The following TPTE variants were observed in gnomAD, a reference collection of about 807,000 sequenced individuals.
The protein encoded by TPTE is putative tyrosine-protein phosphatase TPTE.
In TPTE, 59 loss-of-function variants were observed where a neutral mutation model predicts 84.1. That is an observed-to-expected ratio of 0.70 (90% CI 0.57 to 0.87). The LOEUF (loss-of-function observed/expected upper bound fraction) is 0.87, where lower values mean the gene tolerates loss of function less well. Among genes scored for constraint, TPTE ranks in the 40% least tolerant of loss-of-function variants. The pLI is 0.00. For missense variants in TPTE, 382 were observed against 659.6 expected (o/e 0.58, Z 4.61); for synonymous variants, 130 against 223.5 (o/e 0.58, Z 3.73).
intron 17 of TPTE, among the ~76,000 whole-genome samples, chr21:10,590,228 T>C (rs1255416903): frequency 6.6e-6 from 1 of 152,312 alleles, no homozygotes; most frequent in Non-Finnish European, 1.5e-5. Context: ...CGTGTCCTTT[T>C]GTGGAGAGAT....
intron 3 of TPTE, among the ~76,000 whole-genome samples, chr21:10,538,421 G>A (rs1277866255): frequency 2.6e-5 from 4 of 152,422 alleles, no homozygotes; most frequent in Middle Eastern, 3.4e-3. Flanking sequence ...AGGCTGTCAC[G>A]CATTGGGACT....
intron 8 of TPTE, among the ~76,000 whole-genome samples, chr21:10,556,467 A>T (rs1235764232): frequency 1.3e-5 from 2 of 152,308 alleles, no homozygotes; most frequent in Non-Finnish European, 2.9e-5. Context: ...GTTGGTTCCA[A>T]GTCTTTGCTA....
intron 7 of TPTE, among the ~76,000 whole-genome samples, chr21:10,546,204 A>C (rs1486710361): frequency 6.6e-6 from 1 of 152,308 alleles, no homozygotes; most frequent in Non-Finnish European, 1.5e-5. Context: ...TTTTATTATC[A>C]TATCTGTTAT....
rs748693980 is a variant in TPTE at position 10,603,644 on chromosome 21, A to G, written c.1520+12A>G. On this transcript the variant is annotated intron_variant, in intron 23 of 23. Transcript: ENST00000618007. ...ATTGAAAATAACAGGTATGAATATA[A>G]TAGAAACCCATAGAAACAGCCTAAT... 2 of 1,607,702 alleles carry G rather than the reference A, an allele frequency of 1.2e-6. No homozygotes were observed. The highest frequency in any genetic ancestry group is 2.7e-5 in the African/African-American group (2 of 74,800).
intron 14 of TPTE, among the ~76,000 whole-genome samples, chr21:10,571,903 G>A (rs1364449391): frequency 4.6e-5 from 7 of 152,298 alleles, no homozygotes; most frequent in Non-Finnish European, 1.0e-4. Flanking sequence ...TACTTGGGAG[G>A]CTGAGACATG....
At chr21:10,562,331 A>T (rs210533) in intron 10 of TPTE, among the ~76,000 whole-genome samples, 31,231 of 143,822 alleles carry the variant, frequency 0.22, 67 homozygotes, top group African/African-American at 0.47. Flanking sequence ...TCAATACCTA[A>T]CTCTTCAATG....
chr21:10,543,226 G>A, intron 6 of TPTE, 103 bp from the exon 7 acceptor site: 4 of 1,427,900 alleles, frequency 2.8e-6, no homozygotes, highest in South Asian at 1.2e-5. Context: ...TAGAGACGGG[G>A]TTTCACCTTG....
At chr21:10,556,887 TTG>T (rs1377969921) in intron 8 of TPTE, among the ~76,000 whole-genome samples, 4 of 152,286 alleles carry the variant, frequency 2.6e-5, no homozygotes. Context: ...TTTGATGGGG[TTG>T]TTTGATTTTT....
At chr21:10,539,040 C>T (rs1257241040) in intron 4 of TPTE, among the ~76,000 whole-genome samples, 22 of 152,424 alleles carry the variant, frequency 1.4e-4, no homozygotes, top group East Asian at 7.7e-4. Context: ...CCTTTTCTAA[C>T]GGAGTGATAT....
Position 10,603,554 on chromosome 21 carries a change from C to T in TPTE, c.1450-8C>T, listed in dbSNP as rs201861205. On this transcript the variant is annotated splice_region_variant and splice_polypyrimidine_tract_variant and intron_variant, in intron 22 of 23. Transcript: ENST00000618007. ...CAGTTTTACTTTGAAATTTTTTTTT[C>T]TTTTTAGAATCTTCCTACATACTAT... is the stretch of plus-strand genomic sequence containing the variant. The T allele has an allele frequency of 1.4e-3, 2,280 of 1,594,210 alleles. No individual in the cohort carries two copies. In the African/African-American group the frequency reaches 0.029, roughly 20 times the overall value.
At chr21:10,553,370 G>T (rs1308871809) in intron 8 of TPTE, among the ~76,000 whole-genome samples, 1 of 152,308 alleles carries the variant, frequency 6.6e-6, no homozygotes, top group Non-Finnish European at 1.5e-5. Flanking sequence ...TGGAGAGGAA[G>T]TACTGCCATA....
At chr21:10,526,388 A>G (rs2074079530) in intron 2 of TPTE, among the ~76,000 whole-genome samples, 1 of 152,310 alleles carries the variant, frequency 6.6e-6, no homozygotes, top group African/African-American at 2.4e-5. Flanking sequence ...TAGTTTGTGT[A>G]GGGGAACTTT....
At chr21:10,587,838 C>G (rs1393458485) in intron 17 of TPTE, among the ~76,000 whole-genome samples, 1 of 152,308 alleles carries the variant, frequency 6.6e-6, no homozygotes, top group African/African-American at 2.4e-5. Flanking sequence ...GCATGAGCCA[C>G]CGCGCCCAGC....
At chr21:10,555,827 A>G (rs2074671392) in intron 8 of TPTE, among the ~76,000 whole-genome samples, 1 of 152,310 alleles carries the variant, frequency 6.6e-6, no homozygotes, top group Non-Finnish European at 1.5e-5. Context: ...TGTTTAGAAA[A>G]CATAATTATA....
intron 17 of TPTE, among the ~76,000 whole-genome samples, chr21:10,589,471 G>T (rs1481668183): frequency 8.0e-4 from 121 of 151,514 alleles, no homozygotes; most frequent in Non-Finnish European, 1.3e-3. Flanking sequence ...AGCTCCCTCA[G>T]CCCTAGGGGT....
At chr21:10,598,146 A>G in intron 21 of TPTE, 52 bp downstream of exon 21, 1 of 1,605,958 alleles carries the variant, frequency 6.2e-7, no homozygotes, top group Non-Finnish European at 8.5e-7. Flanking sequence ...TTAAGGCTGA[A>G]TGTCAAACCA....
intron 17 of TPTE, among the ~76,000 whole-genome samples, chr21:10,581,248 AT>A (rs1481208185): frequency 6.6e-6 from 1 of 152,312 alleles, no homozygotes; most frequent in East Asian, 1.9e-4. Flanking sequence ...ATCATTTGAA[AT>A]TGCCAGTTTT....
intron 23 of TPTE, among the ~76,000 whole-genome samples, chr21:10,604,674 A>G (rs1010265432): frequency 6.6e-6 from 1 of 152,312 alleles, no homozygotes; most frequent in Non-Finnish European, 1.5e-5. Context: ...AGACCCTCAA[A>G]AAGTGAGACC....
At chr21:10,563,831 A>G in intron 10 of TPTE, among the ~76,000 whole-genome samples, 1 of 152,312 alleles carries the variant, frequency 6.6e-6, no homozygotes, top group Non-Finnish European at 1.5e-5. Flanking sequence ...TAAACTTTTC[A>G]ATCAAAAGAT....
Sources: gnomAD v4.1 joint callset for allele counts (sites outside exome capture counted in the v4.1 genomes callset) on GRCh38, gnomAD v4.1.1 for gene constraint, MANE v1.5 for transcripts, NCBI Gene and HGNC (gene_info 2026-07-23, HGNC 2026-07-21) for gene names.